Variants in DMD observed in about 807,000 individuals in gnomAD.
The protein encoded by DMD is mutant dystrophin.
Under a neutral mutation model 330.1 loss-of-function variants are expected in DMD, and 63 were observed. The observed-to-expected ratio is 0.19, with a 90% confidence interval of 0.16 to 0.24. The LOEUF (loss-of-function observed/expected upper bound fraction) is 0.24, where lower values mean the gene tolerates loss of function less well. DMD is among the 10% of genes least tolerant of loss of function. The probability of loss-of-function intolerance (pLI) is 1.00; values close to 1 mark genes in which losing one functional copy is unlikely to be tolerated. For missense variants in DMD, 3,344 were observed against 2,684.1 expected, an observed-to-expected ratio of 1.25 and a Z score of -5.43; for synonymous variants, 1,223 against 959.8, an observed-to-expected ratio of 1.27 and a Z score of -5.07.
rs2094443371 is a variant in DMD at position 33,050,422 on chromosome X, A to T, written c.32-30222T>A. ...AAATGATTAAACTAGATTTTTTTTA[A>T]AAAAAGAAGCAAAAATACCGCTGGA... is the stretch of plus-strand genomic sequence containing the variant. On this transcript the variant is annotated intron_variant, in intron 1 of 78. Coordinates refer to ENST00000357033, the MANE Select transcript of DMD (RefSeq NM_004006.3). 1.8e-5 allele frequency among the ~76,000 whole-genome samples: 2 copies of T among 111,560 alleles called. 1 individual carries two copies. Among genetic ancestry groups the T allele is most frequent in the Admixed American group, 1.9e-4 (2 of 10,414 alleles).
chrX:32,375,143 G>A (rs967088194), intron 34 of DMD, among the ~76,000 whole-genome samples: 3 of 110,598 alleles, frequency 2.7e-5, no homozygotes, highest in Admixed American at 9.7e-5. Context: ...CTCAGTTCTC[G>A]GTTTGCGCTA....
rs777418374 is a variant in DMD, at chrX:31,655,090, C to T, written c.8027+2900G>A. Among the ~76,000 whole-genome samples the T allele has an allele frequency of 1.2e-4, 13 of 111,605 alleles. No individual in the cohort carries two copies. The East Asian group carries it at 2.0e-3, about 17-fold the overall frequency. On this transcript the variant is annotated intron_variant, in intron 54 of 78. Transcript: ENST00000357033. ...ATTATTATAAATGTACCCTAAACTG[C>T]TTAACCCATTTATGCCTAAGGTTGC...
At chrX:32,997,495 C>T (rs1006227342) in intron 2 of DMD, among the ~76,000 whole-genome samples, 1 of 112,055 alleles carries the variant, frequency 8.9e-6, no homozygotes, top group Non-Finnish European at 1.9e-5. Context: ...CTGCCTGCCT[C>T]AGCCTCCCAA....
chrX:31,845,845 T>TA (rs1454832338), intron 48 of DMD, among the ~76,000 whole-genome samples: 2 of 111,663 alleles, frequency 1.8e-5, no homozygotes, highest in Admixed American at 1.9e-4. Flanking sequence ...TGCCTGTGAT[T>TA]AACACTGATG....
intron 60 of DMD, among the ~76,000 whole-genome samples, chrX:31,371,879 G>A (rs1181016604): frequency 8.9e-6 from 1 of 112,396 alleles, no homozygotes; most frequent in African/African-American, 3.2e-5. Flanking sequence ...TGCCTGGTGT[G>A]ACTACCTCGT....
intron 43 of DMD, among the ~76,000 whole-genome samples, chrX:32,265,198 G>A (rs1335173013): frequency 2.7e-5 from 3 of 111,720 alleles, no homozygotes; most frequent in African/African-American, 9.8e-5. Context: ...TGCAGCCTAG[G>A]GACTAGGTGC....
At chrX:31,981,965 G>C (rs916448125) in intron 44 of DMD, among the ~76,000 whole-genome samples, 2 of 111,741 alleles carry the variant, frequency 1.8e-5, no homozygotes, top group Non-Finnish European at 3.8e-5. Flanking sequence ...AGGTCACTGC[G>C]ACTGTGTTCC....
chrX:32,929,887 T>A (rs1327903299), intron 2 of DMD, among the ~76,000 whole-genome samples: 1 of 111,878 alleles, frequency 8.9e-6, no homozygotes, highest in Non-Finnish European at 1.9e-5. Context: ...GCAAAGGACA[T>A]AAACTCATAA....
chrX:31,626,622 A>G (rs1369849069), intron 55 of DMD, among the ~76,000 whole-genome samples: 1 of 111,326 alleles, frequency 9.0e-6, no homozygotes, highest in Non-Finnish European at 1.9e-5. Flanking sequence ...TGCCACTGTT[A>G]CGTACTCTAT....
At chrX:31,323,742 C>A (rs2056584208) in intron 61 of DMD, 84 bp from the exon 62 acceptor site, 2 of 823,097 alleles carry the variant, frequency 2.4e-6, no homozygotes, top group Non-Finnish European at 3.6e-6. Flanking sequence ...TCCAGAATTA[C>A]AATTTTACAC....
intron 60 of DMD, among the ~76,000 whole-genome samples, chrX:31,358,120 C>T (rs1404837512): frequency 9.2e-5 from 10 of 108,881 alleles, no homozygotes. Context: ...CTCCCTCTTC[C>T]CTCATTCCCC....
At chrX:32,527,834 T>C (rs945519252) in intron 17 of DMD, among the ~76,000 whole-genome samples, 4 of 110,932 alleles carry the variant, frequency 3.6e-5, no homozygotes, top group Non-Finnish European at 5.7e-5. Flanking sequence ...CAAATCAAGA[T>C]AGTTTGTATA....
intron 43 of DMD, among the ~76,000 whole-genome samples, chrX:32,229,842 C>T (rs113621603): frequency 0.11 from 11,819 of 103,789 alleles, 614 homozygotes; most frequent in Admixed American, 0.15. Flanking sequence ...ATTGTTGTTA[C>T]TGGTGGTAAG....
intron 7 of DMD, among the ~76,000 whole-genome samples, chrX:32,803,259 A>T (rs746565643): frequency 9.0e-6 from 1 of 110,678 alleles, no homozygotes; most frequent in South Asian, 3.8e-4. Context: ...TTGCGTGGAG[A>T]TGTTTATAGT....
intron 41 of DMD, among the ~76,000 whole-genome samples, chrX:32,310,992 T>C (rs1279804140): frequency 1.8e-5 from 2 of 110,991 alleles, no homozygotes; most frequent in South Asian, 3.7e-4. Flanking sequence ...ATCCAAGTGC[T>C]AGACATGATG....
At chrX:32,971,703 T>G (rs1602318756) in intron 2 of DMD, among the ~76,000 whole-genome samples, 1 of 111,107 alleles carries the variant, frequency 9.0e-6, no homozygotes, top group Admixed American at 9.6e-5. Flanking sequence ...TTAATTTCTC[T>G]TATAATTTTC....
chrX:31,779,496 G>T (rs900943825), intron 50 of DMD, among the ~76,000 whole-genome samples: 1 of 111,977 alleles, frequency 8.9e-6, no homozygotes, highest in Non-Finnish European at 1.9e-5. Context: ...TGGAGGAATT[G>T]TCTTTTCCTG....
At position 31,204,022 on chromosome X, in the gene DMD, C is replaced by A; in HGVS notation, c.9746G>T (p.Gly3249Val). The A allele has an allele frequency of 8.3e-7, 1 of 1,210,482 alleles. No individual in the cohort carries two copies. Among genetic ancestry groups the A allele is most frequent in the Non-Finnish European group, 1.1e-6 (1 of 894,046 alleles). ...HDSIQIPRQL[G>V]EVASFGGSNI... ...ACTGCCCCCAAAGGATGCAACTTCA[C>A]CCAACTGTCTTGGAATTTGGATAGA... The change falls in exon 67 of 79, where the codon GGT becomes GTT. Residue 3249 changes from glycine to valine, a missense_variant. By Grantham distance (109) the Gly-to-Val change is moderately radical. Coordinates refer to ENST00000357033, the MANE Select transcript of DMD (RefSeq NM_004006.3).
chrX:32,634,474 C>T (rs1353817418), intron 11 of DMD, among the ~76,000 whole-genome samples: 2 of 112,141 alleles, frequency 1.8e-5, no homozygotes, highest in African/African-American at 3.2e-5. Context: ...CTCTGAGTCT[C>T]ACCCAATACC....
Sources: allele counts gnomAD v4.1 joint callset (sites outside exome capture counted in the v4.1 genomes callset), GRCh38; gene constraint gnomAD v4.1.1; transcripts MANE v1.5; gene names NCBI Gene and HGNC (gene_info 2026-07-23, HGNC 2026-07-21).